WLS: variants seen among roughly 807,000 people sequenced by gnomAD.
WLS encodes Wnt ligand secretion mediator, also known as protein wntless homolog.
A neutral mutation model predicts 62.8 loss-of-function variants in WLS; 23 were observed. The ratio of observed to expected loss-of-function variants is 0.37; its 90% CI spans 0.26 to 0.52. The LOEUF is 0.52. Among genes scored for constraint, WLS ranks in the 20% least tolerant of loss-of-function variants. The probability of loss-of-function intolerance (pLI) is 0.92; values close to 1 mark genes in which losing one functional copy is unlikely to be tolerated. For missense variants in WLS, 615 were observed against 697.3 expected (o/e 0.88, Z 1.33); for synonymous variants, 246 against 244.1 (o/e 1.01, Z -0.07).
intron 10 of WLS, among the ~76,000 whole-genome samples, chr1:68,142,436 A>G (rs774885502): frequency 3.3e-5 from 5 of 152,304 alleles, no homozygotes; most frequent in Middle Eastern, 3.4e-3. Flanking sequence ...GTCAAGTGCC[A>G]CTGTGCACTA....
intron 2 of WLS, among the ~76,000 whole-genome samples, chr1:68,171,475 A>C (rs12725769): frequency 0.18 from 27,167 of 152,166 alleles, 2,514 homozygotes; most frequent in Middle Eastern, 0.26. Context: ...AGAAAAAAAA[A>C]CAAAAAACCC....
chr1:68,175,108 TG>T (rs1291668391), intron 2 of WLS, among the ~76,000 whole-genome samples: 1 of 152,224 alleles, frequency 6.6e-6, no homozygotes, highest in African/African-American at 2.4e-5. Context: ...CCTCCAAAGT[TG>T]TTCTCACCAA....
At chr1:68,188,693 A>T (rs1648112281) in intron 2 of WLS, among the ~76,000 whole-genome samples, 1 of 152,224 alleles carries the variant, frequency 6.6e-6, no homozygotes, top group African/African-American at 2.4e-5. Context: ...TGAGAAGAGG[A>T]ATCACAAGAG....
chr1:68,220,874 A>G (rs975899698), intron 1 of WLS, among the ~76,000 whole-genome samples: 2 of 152,246 alleles, frequency 1.3e-5, no homozygotes, highest in Non-Finnish European at 2.9e-5. Context: ...CCGAAGTTTT[A>G]ACATAGAAAT....
chr1:68,183,684 C>G, intron 2 of WLS: 1 of 294,976 alleles, frequency 3.4e-6, no homozygotes, highest in Non-Finnish European at 7.2e-6. Flanking sequence ...TCCCTTTATT[C>G]CAGTTGTCTT....
At chr1:68,214,199 A>ACACACACACACACG (rs761676326) in intron 1 of WLS, among the ~76,000 whole-genome samples, 18 of 151,950 alleles carry the variant, frequency 1.2e-4, no homozygotes, top group Admixed American at 2.6e-4. Context: ...ACACACACAC[A>ACACACACACACACG]CACACACACA....
chr1:68,196,860 A>C (rs1052506460), intron 1 of WLS, among the ~76,000 whole-genome samples: 1 of 152,148 alleles, frequency 6.6e-6, no homozygotes, highest in Admixed American at 6.5e-5. Context: ...AATATGAGTC[A>C]ATCAAACTTT....
In WLS at chr1:68,150,346, C is replaced by T. The variant is rs373658553; in HGVS notation, c.814G>A (p.Ala272Thr). The change falls in exon 6 of 12, where the codon GCC becomes ACC. Residue 272 changes from alanine (A) to threonine (T), a missense_variant. Coordinates refer to ENST00000262348, the MANE Select transcript of WLS (RefSeq NM_024911.7). ...ATAAAGGTCATGGAAATCCCAAGGG[C>T]AAAGATGACTCTGATGGTGAGAAAA... is the stretch of plus-strand genomic sequence containing the variant. ...PPVLLEKVIF[A>T]LGISMTFINI... 2 of 1,614,114 alleles carry T rather than the reference C, an allele frequency of 1.2e-6. No homozygotes were observed. The highest frequency in any genetic ancestry group is 1.7e-6 in the Non-Finnish European group (2 of 1,180,002).
intron 1 of WLS, among the ~76,000 whole-genome samples, chr1:68,223,418 T>C (rs1017886293): frequency 3.9e-5 from 6 of 152,140 alleles, no homozygotes; most frequent in African/African-American, 1.4e-4. Context: ...CCATTCCTTC[T>C]GCCTCAACAG....
chr1:68,139,449 T>C (rs1646657122), intron 10 of WLS, among the ~76,000 whole-genome samples: 3 of 152,174 alleles, frequency 2.0e-5, no homozygotes, highest in Admixed American at 2.0e-4. Flanking sequence ...TTTCCAGAAA[T>C]ACAGGTACCT....
chr1:68,143,798 C>G (rs1400395461), intron 10 of WLS, among the ~76,000 whole-genome samples: 1 of 152,182 alleles, frequency 6.6e-6, no homozygotes, highest in South Asian at 2.1e-4. Flanking sequence ...ATTACAGCAA[C>G]CTTCTGTGGT....
chr1:68,225,702 T>C (rs1650114220), intron 1 of WLS, among the ~76,000 whole-genome samples: 2 of 152,302 alleles, frequency 1.3e-5, no homozygotes, highest in South Asian at 4.1e-4. Flanking sequence ...CTTCTCCGCA[T>C]GGGAAAAGAA....
chr1:68,201,240 T>C (rs550847962), intron 1 of WLS, among the ~76,000 whole-genome samples: 1 of 152,310 alleles, frequency 6.6e-6, no homozygotes, highest in South Asian at 2.1e-4. Context: ...GAAAGTCAGT[T>C]CCTAAAAAGA....
chr1:68,119,452 A>G (rs950208020), intron 11 of WLS, among the ~76,000 whole-genome samples: 5 of 152,236 alleles, frequency 3.3e-5, no homozygotes, highest in East Asian at 3.8e-4. Flanking sequence ...AGCAGAGGCC[A>G]TGGGTGCCTC....
At chr1:68,214,449 C>T (rs1649650507) in intron 1 of WLS, among the ~76,000 whole-genome samples, 1 of 151,958 alleles carries the variant, frequency 6.6e-6, no homozygotes, top group Admixed American at 6.6e-5. Flanking sequence ...ACTGCAACCT[C>T]TGCCTCCCAG....
intron 11 of WLS, among the ~76,000 whole-genome samples, chr1:68,103,723 C>T (rs769950266): frequency 6.6e-6 from 1 of 152,110 alleles, no homozygotes; most frequent in East Asian, 1.9e-4. Flanking sequence ...AGCACAGAGT[C>T]GGGTTTGGAG....
At chr1:68,119,902 C>A (rs113406802) in intron 11 of WLS, among the ~76,000 whole-genome samples, 1,928 of 152,300 alleles carry the variant, frequency 0.013, 26 homozygotes, top group Non-Finnish European at 0.021. Context: ...TCTCAGCATC[C>A]CTGAGTTGAA....
intron 11 of WLS, among the ~76,000 whole-genome samples, chr1:68,118,320 T>C (rs959680529): frequency 1.3e-4 from 20 of 152,192 alleles, no homozygotes; most frequent in African/African-American, 4.6e-4. Context: ...CAAAATTCAA[T>C]TTCTGCATCT....
At chr1:68,163,007 G>GC in intron 2 of WLS, 1 of 1,593,564 alleles carries the variant, frequency 6.3e-7, no homozygotes, top group Non-Finnish European at 8.6e-7. Flanking sequence ...AGTGCAGGGG[G>GC]CCGTTCATGA....
Sources: gnomAD v4.1 joint callset for allele counts (sites outside exome capture counted in the v4.1 genomes callset) on GRCh38, gnomAD v4.1.1 for gene constraint, MANE v1.5 for transcripts, NCBI Gene and HGNC (gene_info 2026-07-23, HGNC 2026-07-21) for gene names.